The following PLAC1 variants were observed in gnomAD, a reference collection of about 807,000 sequenced individuals.
PLAC1 encodes the protein placenta associated 1, also known as placenta-specific protein 1.
For synonymous variants in PLAC1, 68 were observed against 62.1 expected (o/e 1.09, Z -0.44); for missense variants, 136 against 163.2 (o/e 0.83, Z 0.91).
At chrX:134,623,772 C>T (rs1468865612) in intron 1 of PLAC1, among the ~76,000 whole-genome samples, 1 of 111,769 alleles carries the variant, frequency 8.9e-6, no homozygotes, top group Non-Finnish European at 1.9e-5. Context: ...CCCTGGTTCC[C>T]GTGGCATTCT....
At chrX:134,723,882 C>T (rs1000823495) in intron 2 of PLAC1, among the ~76,000 whole-genome samples, 1 of 110,204 alleles carries the variant, frequency 9.1e-6, no homozygotes, top group Non-Finnish European at 1.9e-5. Flanking sequence ...ATGATGAAAG[C>T]GTTTAAGGGG....
intron 2 of PLAC1, among the ~76,000 whole-genome samples, chrX:134,664,144 C>G (rs2078427824): frequency 9.0e-6 from 1 of 111,405 alleles, no homozygotes; most frequent in Admixed American, 9.5e-5. Flanking sequence ...TTAAGGGTGC[C>G]TCAGAATCAC....
chrX:134,737,975 G>A (rs2078707279), intron 1 of PLAC1, among the ~76,000 whole-genome samples: 1 of 111,628 alleles, frequency 9.0e-6, no homozygotes, highest in Non-Finnish European at 1.9e-5. Context: ...ATCACAGAGG[G>A]AGGAAAAGAA....
intron 1 of PLAC1, among the ~76,000 whole-genome samples, chrX:134,624,908 TGATAGATAGATAGATAGATAGATA>T (rs58742246): frequency 9.7e-6 from 1 of 103,380 alleles, no homozygotes; most frequent in Non-Finnish European, 2.0e-5. Context: ...GACAGATAAA[TGATAGATAGATAGATAGATAGATA>T]GATAGATAGA....
chrX:134,714,169 G>A lies in PLAC1; in HGVS notation n.174+19266C>T, dbSNP rs143882665. ...CCAGGCTATAGCTGTGGCCCAAGTG[G>A]GCTTTGGGGCTCACCTAGGGATGGA... On this transcript the variant is annotated intron_variant and non_coding_transcript_variant, in intron 2 of 2. Transcript: ENST00000466797. Among the ~76,000 whole-genome samples, 460 of 111,879 alleles carry A rather than the reference G, an allele frequency of 4.1e-3. 1 individual carries two copies. Among genetic ancestry groups the A allele is most frequent in the African/African-American group, 0.015 (447 of 30,801 alleles).
intron 2 of PLAC1, among the ~76,000 whole-genome samples, chrX:134,732,189 C>A (rs942546323): frequency 1.8e-5 from 2 of 111,321 alleles, no homozygotes; most frequent in African/African-American, 6.5e-5. Flanking sequence ...TCCCTTCCTC[C>A]AGATTTCCTA....
At chrX:134,645,277 G>A (rs2078327582) in intron 1 of PLAC1, among the ~76,000 whole-genome samples, 1 of 112,228 alleles carries the variant, frequency 8.9e-6, no homozygotes, top group African/African-American at 3.2e-5. Context: ...ATTTTCTCAA[G>A]TGAGATAATG....
intron 1 of PLAC1, among the ~76,000 whole-genome samples, chrX:134,743,858 G>C (rs2078722724): frequency 8.9e-6 from 1 of 112,619 alleles, no homozygotes; most frequent in East Asian, 2.8e-4. Flanking sequence ...AAGTTATCTT[G>C]ATCTGGTTGT....
intron 1 of PLAC1, among the ~76,000 whole-genome samples, chrX:134,654,644 C>T (rs2078380130): frequency 8.9e-6 from 1 of 112,249 alleles, no homozygotes; most frequent in African/African-American, 3.2e-5. Flanking sequence ...CAATGGCTCA[C>T]CTCTCTCATT....
chrX:134,717,341 T>A (rs1282096681), intron 2 of PLAC1, among the ~76,000 whole-genome samples: 1 of 111,663 alleles, frequency 9.0e-6, no homozygotes, highest in Non-Finnish European at 1.9e-5. Flanking sequence ...CTCACTGCAA[T>A]GTCTGCCTGG....
At chrX:134,694,178 C>T (rs2078554502) in intron 2 of PLAC1, among the ~76,000 whole-genome samples, 1 of 111,385 alleles carries the variant, frequency 9.0e-6, no homozygotes, top group Non-Finnish European at 1.9e-5. Flanking sequence ...TGTGTCTAAA[C>T]TTCTTTGTAT....
chrX:134,712,944 T>C (rs2078632329), intron 2 of PLAC1, among the ~76,000 whole-genome samples: 1 of 112,403 alleles, frequency 8.9e-6, no homozygotes, highest in African/African-American at 3.2e-5. Flanking sequence ...ATTGTAAAGA[T>C]AACCTTGAAT....
At chrX:134,572,895 G>GT (rs2077916650) in intron 2 of PLAC1, among the ~76,000 whole-genome samples, 1 of 111,210 alleles carries the variant, frequency 9.0e-6, no homozygotes, top group Admixed American at 9.6e-5. Context: ...GGGCCATCTG[G>GT]TTTTGTTCTT....
At chrX:134,624,455 A>G (rs2078225625) in intron 1 of PLAC1, among the ~76,000 whole-genome samples, 1 of 112,412 alleles carries the variant, frequency 8.9e-6, no homozygotes, top group East Asian at 2.8e-4. Context: ...CCACTGGACT[A>G]ATGACTGTGA....
intron 2 of PLAC1, among the ~76,000 whole-genome samples, chrX:134,575,664 G>T (rs377366913): frequency 5.6e-5 from 6 of 107,995 alleles, no homozygotes; most frequent in African/African-American, 2.0e-4. Context: ...AGCTACTTGG[G>T]AAGCTGAGGC....
At chrX:134,678,642 C>T (rs769611641) in intron 2 of PLAC1, among the ~76,000 whole-genome samples, 18 of 111,780 alleles carry the variant, frequency 1.6e-4, no homozygotes, top group African/African-American at 2.9e-4. Context: ...GTAATTTCCA[C>T]GAGATCAAGG....
At chrX:134,740,207 C>T (rs1569413317) in intron 1 of PLAC1, among the ~76,000 whole-genome samples, 1 of 109,216 alleles carries the variant, frequency 9.2e-6, no homozygotes, top group African/African-American at 3.4e-5. Context: ...ATCCCAGCTA[C>T]TCGGGAGGCT....
At chrX:134,677,102 G>A (rs1371812217) in intron 2 of PLAC1, among the ~76,000 whole-genome samples, 1 of 112,117 alleles carries the variant, frequency 8.9e-6, no homozygotes, top group Non-Finnish European at 1.9e-5. Flanking sequence ...GATGCAGTAG[G>A]CTTGGAAGGG....
chrX:134,737,626 T>G (rs1420425447), intron 1 of PLAC1, among the ~76,000 whole-genome samples: 1 of 112,406 alleles, frequency 8.9e-6, no homozygotes, highest in Non-Finnish European at 1.9e-5. Context: ...CACCTGCCCC[T>G]AATTGGGAGC....
Sources: allele counts gnomAD v4.1 joint callset (sites outside exome capture counted in the v4.1 genomes callset), GRCh38; gene constraint gnomAD v4.1.1; transcripts MANE v1.5; gene names NCBI Gene and HGNC (gene_info 2026-07-23, HGNC 2026-07-21).